Variants in DYRK4 observed in about 807,000 individuals in gnomAD.
DYRK4 encodes dual specificity tyrosine-phosphorylation-regulated kinase 4.
Under a neutral mutation model 68.3 loss-of-function variants are expected in DYRK4, and 64 were observed. The ratio of observed to expected loss-of-function variants is 0.94; its 90% CI spans 0.77 to 1.15. The LOEUF (loss-of-function observed/expected upper bound fraction) is 1.15. Ranked by LOEUF, DYRK4 falls within the 50% of genes most tolerant of loss-of-function variation. DYRK4 has a pLI of 0.00. For synonymous variants in DYRK4, 274 were observed against 289.9 expected, an observed-to-expected ratio of 0.95 and a Z score of 0.56; for missense variants, 740 against 764.7, an observed-to-expected ratio of 0.97 and a Z score of 0.38.
At position 4,589,017 on chromosome 12, in the gene DYRK4, G is replaced by A. The variant is rs927347199; in HGVS notation, c.213G>A (p.Lys71=). 2.6e-6 allele frequency: 4 copies of A among 1,535,918 alleles called. No homozygotes were observed. Among genetic ancestry groups the A allele is most frequent in the Non-Finnish European group, 3.5e-6 (4 of 1,146,856 alleles). Reference sequence around the variant, plus strand: ...CCAGAATGACCCAAGTCTTTCATAAGGTAGGGAGTGATGGTCAGCTCCTTT... The same window carrying A: ...CCAGAATGACCCAAGTCTTTCATAAAGTAGGGAGTGATGGTCAGCTCCTTT... ...KNSRMTQVFH[K]NTSVTSLPFV... The change falls in exon 3 of 15, where the codon AAG becomes AAA. Residue 71 remains lysine, a splice_region_variant and synonymous_variant. Coordinates refer to ENST00000543431, the MANE Select transcript of DYRK4 (RefSeq NM_001394779.1).
chr12:4,567,269 G>T (rs1162666664), intron 1 of DYRK4: 1 of 152,202 alleles, frequency 6.6e-6, no homozygotes, highest in African/African-American at 2.4e-5. Flanking sequence ...TTCTGCCCTT[G>T]TTTCTTGTAT....
chr12:4,590,080 T>G, intron 3 of DYRK4: 1 of 1,165,246 alleles, frequency 8.6e-7, no homozygotes, highest in Non-Finnish European at 1.1e-6. Context: ...AAAGAGTCAG[T>G]GTGAGCTGTT....
intron 3 of DYRK4, among the ~76,000 whole-genome samples, chr12:4,589,317 ATGGGGTATT>A (rs1944928526): frequency 6.6e-6 from 1 of 152,208 alleles, no homozygotes; most frequent in Non-Finnish European, 1.5e-5. Flanking sequence ...ATCATGGAAA[ATGGGGTATT>A]TGTCCCCTCA....
Position 4,613,575 on chromosome 12 carries a change from A to T in DYRK4, c.1727A>T (p.His576Leu). Residue 576 changes from histidine to leucine, a missense_variant, in exon 15 of 15, where the codon CAT (histidine) becomes CTT (leucine). His to Leu is a moderately conservative substitution (Grantham distance 99, BLOSUM62 -3). Around this residue, in one of 3 missense-constraint regions of DYRK4, gnomAD observed 614 missense variants for 603.7 expected, o/e 1.02. Coordinates refer to ENST00000543431, the MANE Select transcript of DYRK4 (RefSeq NM_001394779.1). The surrounding 1 kb of genome is among the most constrained non-coding windows in gnomAD (Gnocchi z 4.0). ...TKDSPTKHVQ[H>L]SGDQQDCLQH... ...GATAGCCCCACGAAGCATGTTCAGC[A>T]TTCAGGTGATCAGCAGGACTGTCTC... 11 of 1,614,180 alleles carry T rather than the reference A, an allele frequency of 6.8e-6. No individual in the cohort carries two copies. Among genetic ancestry groups the T allele is most frequent in the Non-Finnish European group, 8.5e-6 (10 of 1,179,986 alleles).
chr12:4,569,731 G>A (rs956679163), intron 2 of DYRK4, among the ~76,000 whole-genome samples: 1 of 152,000 alleles, frequency 6.6e-6, no homozygotes, highest in East Asian at 1.9e-4. Context: ...AAACTGCTGG[G>A]ATTACAGGTG....
At chr12:4,610,021 TA>T (rs1479363484) in intron 12 of DYRK4, 133 bp from the exon 13 acceptor site, 7 of 579,778 alleles carry the variant, frequency 1.2e-5, no homozygotes, top group Admixed American at 1.1e-4. Flanking sequence ...TGTGTGTGTT[TA>T]TTGGGGTGTG....
chr12:4,575,457 T>C (rs1220945851), intron 2 of DYRK4, among the ~76,000 whole-genome samples: 1 of 152,072 alleles, frequency 6.6e-6, no homozygotes, highest in Non-Finnish European at 1.5e-5. Flanking sequence ...TACAGATGCA[T>C]GCCGCCACTA....
At chr12:4,592,731 G>T in intron 5 of DYRK4, 1 of 329,670 alleles carries the variant, frequency 3.0e-6, no homozygotes, top group Non-Finnish European at 5.5e-6. Context: ...TTTTACCTGC[G>T]CTGCTCTAAC....
At chr12:4,569,415 G>C (rs949551315) in intron 2 of DYRK4, among the ~76,000 whole-genome samples, 1 of 152,098 alleles carries the variant, frequency 6.6e-6, no homozygotes, top group African/African-American at 2.4e-5. Flanking sequence ...ATCATCATGA[G>C]GTTTGCAACT....
chr12:4,613,422 C>T lies in DYRK4; in HGVS notation c.1667-93C>T, dbSNP rs1945251299. 11 of 1,457,876 alleles carry T rather than the reference C, an allele frequency of 7.5e-6. No homozygotes were observed. The highest frequency in any genetic ancestry group is 5.6e-5 in the South Asian group (4 of 71,764). The allele number at this position is 1,457,876 out of a possible 1,614,324, so 90.3% of individuals were successfully genotyped here. A position where few individuals can be genotyped will look rare whatever the true frequency, so the allele number is the denominator to read the frequency against. On this transcript the variant is annotated intron_variant, in intron 14 of 14. Coordinates refer to ENST00000543431, the MANE Select transcript of DYRK4 (RefSeq NM_001394779.1). This position sits in a 1 kb window ranked among gnomAD's most constrained non-coding sequence, Gnocchi z 4.0. The stretch of plus-strand genomic sequence containing the variant: ...ACTGTTTTTATATCATCACGGTCAT[C>T]GTTTCCACTAAGTGATGTACAACCT...
intron 8 of DYRK4, 31 bp downstream of exon 8, chr12:4,596,760 C>T (rs1408264023): frequency 6.8e-6 from 11 of 1,610,754 alleles, no homozygotes; most frequent in Non-Finnish European, 9.3e-6. Context: ...AACTCATTTT[C>T]TCTGGAAAAG....
At chr12:4,602,658 C>T in intron 10 of DYRK4, 10 of 1,410,530 alleles carry the variant, frequency 7.1e-6, no homozygotes, top group Non-Finnish European at 1.0e-5. Flanking sequence ...TGGGTAACAC[C>T]TGCTGAGGGT....
At chr12:4,566,566 G>T (rs1264350142) in intron 1 of DYRK4, among the ~76,000 whole-genome samples, 1 of 152,210 alleles carries the variant, frequency 6.6e-6, no homozygotes, top group Non-Finnish European at 1.5e-5. Context: ...GCAGAAGGCT[G>T]TATTAATACA....
rs1945127336 is a variant in DYRK4 at position 4,605,067 on chromosome 12, A to G, written c.1280A>G (p.Gln427Arg). Residue 427 changes from glutamine (Q) to arginine (R), a missense_variant, in exon 11 of 15, where the codon CAG (glutamine) becomes CGG (arginine). Physicochemically the swap from Gln to Arg is conservative, Grantham distance 43. Coordinates refer to ENST00000543431, the MANE Select transcript of DYRK4 (RefSeq NM_001394779.1). The stretch of plus-strand genomic sequence containing the variant: ...TTCCCCGGGGAGAATGAGGTGGAGC[A>G]GCTGGCCTGCATCATGGAGGTACGC... Reference protein sequence around the residue: ...PLFPGENEVEQLACIMEVLGL... With the variant: ...PLFPGENEVERLACIMEVLGL... 3 of 1,613,496 alleles carry G rather than the reference A, an allele frequency of 1.9e-6. No individual in the cohort carries two copies. In the East Asian group the frequency reaches 6.7e-5, roughly 36 times the overall value.
chr12:4,597,074 T>C, intron 8 of DYRK4: 2 of 1,124,244 alleles, frequency 1.8e-6, no homozygotes, highest in Non-Finnish European at 2.2e-6. Context: ...TCATTGGCTT[T>C]CTGGCCTGGT....
Position 4,603,007 on chromosome 12 carries a change from T to C in DYRK4, c.1127-1907T>C, listed in dbSNP as rs1039637461. On this transcript the variant is annotated intron_variant, in intron 10 of 14. Transcript: ENST00000543431. ...TATCATTCACGGGTTCTTGATTCTA[T>C]AGAAGCTTGTTAGCTTGTACAATTT... 2.5e-5 allele frequency: 23 copies of C among 926,568 alleles called. 1 individual carries two copies. The South Asian group carries it at 3.1e-4, about 13-fold the overall frequency. The allele number at this position is 926,568 out of a possible 1,614,324, so 57.4% of individuals were successfully genotyped here.
intron 2 of DYRK4, among the ~76,000 whole-genome samples, chr12:4,570,697 C>A (rs1029877637): frequency 1.3e-5 from 2 of 152,114 alleles, no homozygotes; most frequent in African/African-American, 4.8e-5. Flanking sequence ...TTATGTTTTT[C>A]ACAATATTTA....
chr12:4,572,092 T>C (rs1404296898), intron 2 of DYRK4, among the ~76,000 whole-genome samples: 1 of 152,196 alleles, frequency 6.6e-6, no homozygotes, highest in African/African-American at 2.4e-5. Context: ...AAGCTTAAAA[T>C]TGGGATTCTT....
intron 2 of DYRK4, among the ~76,000 whole-genome samples, chr12:4,586,296 A>AC (rs1479912639): frequency 6.6e-6 from 1 of 151,844 alleles, no homozygotes; most frequent in African/African-American, 2.4e-5. Flanking sequence ...CACAGGAAGC[A>AC]CCCCCCTGCT....
Sources: allele counts gnomAD v4.1 joint callset (sites outside exome capture counted in the v4.1 genomes callset), GRCh38; gene constraint gnomAD v4.1.1; regional missense constraint gnomAD v4.1.1; non-coding constraint Gnocchi (gnomAD v3.1); transcripts MANE v1.5; gene names NCBI Gene and HGNC (gene_info 2026-07-23, HGNC 2026-07-21).